Variants in PTPRT observed in about 807,000 individuals in gnomAD.
PTPRT encodes the protein protein tyrosine phosphatase receptor type T, also known as receptor-type tyrosine-protein phosphatase T.
In PTPRT, 56 loss-of-function variants were observed where a neutral mutation model predicts 176.8. The observed-to-expected ratio is 0.32, with a 90% confidence interval of 0.26 to 0.40. The LOEUF is 0.40. Ranked by LOEUF, PTPRT falls within the 10% of genes least tolerant of loss-of-function variation. The pLI is 1.00. For missense variants in PTPRT, 1,540 were observed against 1,908.2 expected, an observed-to-expected ratio of 0.81 and a Z score of 3.60; for synonymous variants, 783 against 739.0, an observed-to-expected ratio of 1.06 and a Z score of -0.96.
chr20:43,106,873 C>A (rs1473539822), intron 1 of PTPRT, among the ~76,000 whole-genome samples: 1 of 152,028 alleles, frequency 6.6e-6, no homozygotes, highest in East Asian at 1.9e-4. Flanking sequence ...TCACCACAAC[C>A]TCCGCCTCCC....
chr20:42,470,790 G>A (rs2071180327), intron 8 of PTPRT, among the ~76,000 whole-genome samples: 1 of 151,894 alleles, frequency 6.6e-6, no homozygotes, highest in African/African-American at 2.4e-5. Context: ...TTCCAAGCAG[G>A]AGAAATGGCA....
At chr20:42,609,855 G>A (rs896299882) in intron 7 of PTPRT, among the ~76,000 whole-genome samples, 40 of 152,336 alleles carry the variant, frequency 2.6e-4, no homozygotes, top group African/African-American at 9.4e-4. Context: ...GGATGAATGT[G>A]CAGCCGAGCG....
intron 8 of PTPRT, among the ~76,000 whole-genome samples, chr20:42,461,281 C>T (rs191523317): frequency 1.3e-5 from 2 of 152,228 alleles, no homozygotes; most frequent in East Asian, 1.9e-4. Context: ...GAGCCAAGAT[C>T]GTGCCATTGC....
rs765158432 is a variant in PTPRT at position 43,122,663 on chromosome 20, CTT to C, written c.88+66981_88+66982del. ...CCTTGGGCCTCCCCCTTCTCTCTCT[CTT>C]GCTCCCATTCTCACCATGTGATACA... On this transcript the variant is annotated intron_variant, in intron 1 of 30. Coordinates refer to ENST00000373187, the MANE Select transcript of PTPRT (RefSeq NM_007050.6). 9.2e-5 allele frequency among the ~76,000 whole-genome samples: 14 copies of C among 152,200 alleles called. 1 individual carries two copies. The highest frequency in any genetic ancestry group is 1.3e-4 in the Non-Finnish European group (9 of 68,042).
chr20:42,331,342 G>C (rs1418632769), intron 11 of PTPRT, among the ~76,000 whole-genome samples: 1 of 151,980 alleles, frequency 6.6e-6, no homozygotes, highest in Non-Finnish European at 1.5e-5. Flanking sequence ...TAATCAGTAG[G>C]GCGCCTGGAT....
chr20:43,176,183 T>A (rs3092265), intron 1 of PTPRT, among the ~76,000 whole-genome samples: 2 of 7,236 alleles, frequency 2.8e-4, no homozygotes, highest in East Asian at 2.5e-3. Flanking sequence ...GGCAACAGAG[T>A]GAGACCCTGG....
At chr20:42,395,610 C>T (rs546217893) in intron 9 of PTPRT, among the ~76,000 whole-genome samples, 2 of 152,268 alleles carry the variant, frequency 1.3e-5, no homozygotes, top group East Asian at 3.9e-4. Flanking sequence ...TCCTGCTGCT[C>T]TCCCTTGGGC....
chr20:42,439,644 T>C lies in PTPRT; in HGVS notation c.1560+8576A>G, dbSNP rs77876592. Among the ~76,000 whole-genome samples the C allele has an allele frequency of 9.4e-3, 1,431 of 152,298 alleles. 23 individuals are homozygous for C. Among genetic ancestry groups the C allele is most frequent in the African/African-American group, 0.032 (1,311 of 41,560 alleles). ...AGACTGGGTTTATTTAGAAGGTGTTTAGCTAGGATTACATATCAGAGGAGA... is the reference window on the plus strand; with the variant it reads ...AGACTGGGTTTATTTAGAAGGTGTTCAGCTAGGATTACATATCAGAGGAGA... On this transcript the variant is annotated intron_variant, in intron 9 of 30. Transcript: ENST00000373187.
At chr20:42,160,056 TG>T (rs1210522285) in intron 17 of PTPRT, among the ~76,000 whole-genome samples, 1 of 151,990 alleles carries the variant, frequency 6.6e-6, no homozygotes, top group African/African-American at 2.4e-5. Flanking sequence ...ATTCCAAATG[TG>T]TGGAGTCTGA....
chr20:42,876,014 A>G (rs1412621162), intron 2 of PTPRT, among the ~76,000 whole-genome samples: 1 of 152,184 alleles, frequency 6.6e-6, no homozygotes, highest in Non-Finnish European at 1.5e-5. Context: ...CTATTACCAC[A>G]TACAGATACT....
intron 1 of PTPRT, among the ~76,000 whole-genome samples, chr20:43,121,109 C>T (rs1198015248): frequency 4.0e-5 from 6 of 151,636 alleles, no homozygotes; most frequent in Non-Finnish European, 8.8e-5. Flanking sequence ...TGGTATCATA[C>T]GCTATGTTGT....
chr20:42,489,266 G>A (rs1270613549), intron 7 of PTPRT, among the ~76,000 whole-genome samples: 3 of 152,004 alleles, frequency 2.0e-5, no homozygotes, highest in Non-Finnish European at 4.4e-5. Flanking sequence ...CACATGGTCA[G>A]GTTGTACTTT....
At chr20:42,403,403 T>C (rs1462848537) in intron 9 of PTPRT, among the ~76,000 whole-genome samples, 3 of 152,212 alleles carry the variant, frequency 2.0e-5, no homozygotes, top group Non-Finnish European at 4.4e-5. Context: ...GTTGGACTTG[T>C]ACTGTTAAGC....
At chr20:42,769,122 T>C (rs1349746618) in intron 5 of PTPRT, among the ~76,000 whole-genome samples, 5 of 152,198 alleles carry the variant, frequency 3.3e-5, no homozygotes, top group Non-Finnish European at 5.9e-5. Context: ...GGAGGTTTCT[T>C]ATGCTCTCCT....
intron 6 of PTPRT, among the ~76,000 whole-genome samples, chr20:42,699,555 T>C (rs1427400460): frequency 6.6e-6 from 1 of 152,208 alleles, no homozygotes; most frequent in Non-Finnish European, 1.5e-5. Context: ...GTGTCATTTT[T>C]AAAAAGCAAT....
intron 1 of PTPRT, among the ~76,000 whole-genome samples, chr20:42,983,109 T>C (rs1241729016): frequency 6.6e-6 from 1 of 152,176 alleles, no homozygotes; most frequent in Non-Finnish European, 1.5e-5. Flanking sequence ...GCTTTGTCTC[T>C]TCTGCTCTTG....
At chr20:42,761,164 G>T (rs1260669393) in intron 5 of PTPRT, among the ~76,000 whole-genome samples, 1 of 152,196 alleles carries the variant, frequency 6.6e-6, no homozygotes, top group Non-Finnish European at 1.5e-5. Flanking sequence ...GCCAGGCACG[G>T]TGGCTGACGC....
At chr20:42,413,331 C>A (rs758142570) in intron 9 of PTPRT, among the ~76,000 whole-genome samples, 3 of 152,136 alleles carry the variant, frequency 2.0e-5, no homozygotes, top group Non-Finnish European at 4.4e-5. Context: ...CCAGGACATT[C>A]AGTTTTAGGA....
At chr20:42,271,643 G>T (rs1197513259) in intron 13 of PTPRT, among the ~76,000 whole-genome samples, 1 of 152,196 alleles carries the variant, frequency 6.6e-6, no homozygotes, top group Non-Finnish European at 1.5e-5. Flanking sequence ...CATAGAATTT[G>T]TAAAACTTGT....
Sources: allele counts gnomAD v4.1 joint callset (sites outside exome capture counted in the v4.1 genomes callset), GRCh38; gene constraint gnomAD v4.1.1; transcripts MANE v1.5; gene names NCBI Gene and HGNC (gene_info 2026-07-23, HGNC 2026-07-21).